Variants in TNIP3 observed in about 807,000 individuals in gnomAD.
The protein encoded by TNIP3 is TNFAIP3-interacting protein 3.
In TNIP3, 34 loss-of-function variants were observed where a neutral mutation model predicts 54.1. The ratio of observed to expected loss-of-function variants is 0.63; its 90% CI spans 0.48 to 0.84. TNIP3 has a LOEUF of 0.84. Among genes scored for constraint, TNIP3 ranks in the 40% least tolerant of loss-of-function variants. The probability of loss-of-function intolerance (pLI) is 0.00; values close to 1 mark genes in which losing one functional copy is unlikely to be tolerated. For missense variants in TNIP3, 366 were observed against 387.6 expected, an observed-to-expected ratio of 0.94 and a Z score of 0.47; for synonymous variants, 134 against 136.8, an observed-to-expected ratio of 0.98 and a Z score of 0.14.
intron 1 of TNIP3, among the ~76,000 whole-genome samples, chr4:121,221,819 A>G (rs1324420010): frequency 6.6e-6 from 1 of 152,152 alleles, no homozygotes; most frequent in Non-Finnish European, 1.5e-5. Flanking sequence ...TTCATCACCT[A>G]TTTCCTTCTA....
At chr4:121,182,560 A>C in intron 3 of TNIP3, 1 of 1,210,240 alleles carries the variant, frequency 8.3e-7, no homozygotes, top group Non-Finnish European at 1.1e-6. Context: ...CTCTCAGCTG[A>C]CAAGGAAGTA....
intron 2 of TNIP3, among the ~76,000 whole-genome samples, chr4:121,189,816 A>T (rs1725206634): frequency 6.6e-6 from 1 of 152,214 alleles, no homozygotes; most frequent in African/African-American, 2.4e-5. Context: ...GTTTCTTATA[A>T]ACCTGGGCTC....
At chr4:121,154,701 G>A in intron 4 of TNIP3, 22 bp from the exon 5 acceptor site, 3 of 1,582,766 alleles carry the variant, frequency 1.9e-6, no homozygotes, top group Non-Finnish European at 2.6e-6. Flanking sequence ...ACCAAGAAAA[G>A]AAAATAAAAG....
Position 121,161,119 on chromosome 4 carries a change from G to C in TNIP3, c.147+17C>G, listed in dbSNP as rs367764399. 6.5e-7 allele frequency: 1 copy of C among 1,549,894 alleles called. No individual in the cohort carries two copies. The highest frequency in any genetic ancestry group is 1.4e-5 in the African/African-American group (1 of 73,202). ...AATCCATGGCACCTGTGGCTTTAGC[G>C]AATATTTCTAAGTTACCTCTTTTCT... On this transcript the variant is annotated intron_variant, in intron 2 of 10. Transcript: ENST00000057513.
intron 2 of TNIP3, among the ~76,000 whole-genome samples, chr4:121,210,467 G>C (rs1187980174): frequency 6.6e-6 from 1 of 152,152 alleles, no homozygotes; most frequent in Non-Finnish European, 1.5e-5. Context: ...AATCATTATA[G>C]ATCAACAAGA....
chr4:121,207,112 GTTCT>G (rs1225396748), intron 2 of TNIP3, among the ~76,000 whole-genome samples: 3 of 152,096 alleles, frequency 2.0e-5, no homozygotes, highest in Non-Finnish European at 4.4e-5. Flanking sequence ...GTGATCTGGG[GTTCT>G]TTGTTTTGTT....
intron 6 of TNIP3, among the ~76,000 whole-genome samples, chr4:121,149,719 T>C (rs1579389641): frequency 6.6e-6 from 1 of 151,866 alleles, no homozygotes; most frequent in Non-Finnish European, 1.5e-5. Context: ...TGAGCGGAGG[T>C]TGTACCACTG....
intron 1 of TNIP3, among the ~76,000 whole-genome samples, chr4:121,221,971 G>T (rs1019558725): frequency 1.3e-5 from 2 of 152,184 alleles, no homozygotes; most frequent in Admixed American, 1.3e-4. Flanking sequence ...TGAACCAGGA[G>T]TCAGGAGACT....
At chr4:121,222,804 G>GGT (rs1188518886) in intron 1 of TNIP3, among the ~76,000 whole-genome samples, 2 of 105,766 alleles carry the variant, frequency 1.9e-5, no homozygotes, top group Non-Finnish European at 3.5e-5. Context: ...TTTTTTGTGC[G>GGT]TTTTTTTTTT....
intron 4 of TNIP3, among the ~76,000 whole-genome samples, chr4:121,156,825 C>A (rs1040745703): frequency 1.3e-5 from 2 of 152,166 alleles, no homozygotes; most frequent in African/African-American, 4.8e-5. Context: ...GATCCGTTTT[C>A]TTCTTCCTGG....
upstream of TNIP3, among the ~76,000 whole-genome samples, chr4:121,168,915 A>G (rs951827329): frequency 7.9e-5 from 12 of 152,160 alleles, no homozygotes; most frequent in Non-Finnish European, 1.3e-4. Flanking sequence ...TAGTTCCACC[A>G]CTTGCTAGTT....
intron 1 of TNIP3, among the ~76,000 whole-genome samples, chr4:121,222,310 G>A (rs1727063871): frequency 6.6e-6 from 1 of 152,048 alleles, no homozygotes; most frequent in Admixed American, 6.6e-5. Flanking sequence ...CCTGTATTGT[G>A]GATTTCTACT....
chr4:121,157,260 A>G lies in TNIP3; in HGVS notation c.214-17T>C, dbSNP rs17051299. 1.2e-6 allele frequency: 2 copies of G among 1,613,878 alleles called. No homozygotes were observed. The highest frequency in any genetic ancestry group is 8.5e-7 in the Non-Finnish European group (1 of 1,180,016). ...CTCTGCTACCTGAGGAGGTCGTTCA[A>G]AGACAGCTGCAGATACCTTCTCTGA... On this transcript the variant is annotated splice_polypyrimidine_tract_variant and intron_variant, in intron 3 of 10. Coordinates refer to ENST00000057513, the MANE Select transcript of TNIP3 (RefSeq NM_024873.6).
Position 121,132,580 on chromosome 4 carries a change from C to T in TNIP3, c.*51G>A, listed in dbSNP as rs1246054231. ...CTCAGTATAAACAAAGAAGAGGGTC[C>T]TCAGCCACGCTCCCTCGTTGCCTGT... On this transcript the variant is annotated 3_prime_UTR_variant, in exon 11 of 11. Coordinates refer to ENST00000057513, the MANE Select transcript of TNIP3 (RefSeq NM_024873.6). 3.2e-6 allele frequency: 5 copies of T among 1,576,454 alleles called. No homozygotes were observed. Among genetic ancestry groups the T allele is most frequent in the Non-Finnish European group, 4.4e-6 (5 of 1,147,392 alleles).
intron 1 of TNIP3, among the ~76,000 whole-genome samples, chr4:121,222,816 T>TTTGTTTTG (rs1553939181): frequency 6.9e-5 from 10 of 145,240 alleles, no homozygotes; most frequent in African/African-American, 2.6e-4. Flanking sequence ...TTTTTTTTTT[T>TTTGTTTTG]TTTTTTTGAG....
At chr4:121,222,804 GTTTT>G (rs138758827) in intron 1 of TNIP3, among the ~76,000 whole-genome samples, 1 of 105,764 alleles carries the variant, frequency 9.5e-6, no homozygotes, top group African/African-American at 3.8e-5. Context: ...TTTTTTGTGC[GTTTT>G]TTTTTTTTTT....
upstream of TNIP3, among the ~76,000 whole-genome samples, chr4:121,218,167 C>G (rs1180151658): frequency 6.6e-6 from 1 of 152,104 alleles, no homozygotes; most frequent in Non-Finnish European, 1.5e-5. Flanking sequence ...TTTTACATTA[C>G]AGATACAACA....
chr4:121,218,143 C>G (rs909151171), upstream of TNIP3, among the ~76,000 whole-genome samples: 7 of 152,054 alleles, frequency 4.6e-5, no homozygotes, highest in Admixed American at 6.5e-5. Flanking sequence ...TATTTTAAAA[C>G]TAACCTACAA....
chr4:121,171,668 G>A (rs1162901843), intron 3 of TNIP3, among the ~76,000 whole-genome samples: 1 of 152,164 alleles, frequency 6.6e-6, no homozygotes, highest in Non-Finnish European at 1.5e-5. Flanking sequence ...GGCAAAAAGA[G>A]TACTGCCTGG....
Sources: allele counts gnomAD v4.1 joint callset (sites outside exome capture counted in the v4.1 genomes callset), GRCh38; gene constraint gnomAD v4.1.1; transcripts MANE v1.5; gene names NCBI Gene and HGNC (gene_info 2026-07-23, HGNC 2026-07-21).